Variants in NELL1 observed in about 807,000 individuals in gnomAD.
The protein encoded by NELL1 is neural EGFL like 1.
NELL1 carries 76 observed loss-of-function variants against 107.4 expected under a neutral mutation model. The ratio of observed to expected loss-of-function variants is 0.71; its 90% CI spans 0.59 to 0.86. NELL1 has a LOEUF of 0.86. Among genes scored for constraint, NELL1 ranks in the 40% least tolerant of loss-of-function variants. The pLI, the probability that NELL1 is intolerant of heterozygous loss-of-function variation, is 0.00. For missense variants in NELL1, 1,024 were observed against 1,005.5 expected, an observed-to-expected ratio of 1.02 and a Z score of -0.25; for synonymous variants, 353 against 341.2, an observed-to-expected ratio of 1.03 and a Z score of -0.38.
At chr11:20,872,511 G>A (rs1849221663) in intron 4 of NELL1, among the ~76,000 whole-genome samples, 1 of 152,058 alleles carries the variant, frequency 6.6e-6, no homozygotes, top group Non-Finnish European at 1.5e-5. Context: ...TTCGTGAGGG[G>A]CTTATGAATT....
At chr11:20,727,045 C>T (rs771653674) in intron 2 of NELL1, among the ~76,000 whole-genome samples, 32 of 152,082 alleles carry the variant, frequency 2.1e-4, no homozygotes, top group Non-Finnish European at 4.0e-4. Context: ...TGAATAGTGC[C>T]GCAATAAACC....
intron 14 of NELL1, among the ~76,000 whole-genome samples, chr11:21,366,075 C>T (rs745587654): frequency 2.0e-5 from 3 of 151,880 alleles, no homozygotes; most frequent in Admixed American, 6.6e-5. Context: ...GTTTGAGGGG[C>T]GTTTGATAAA....
intron 15 of NELL1, among the ~76,000 whole-genome samples, chr11:21,508,797 G>GA (rs79949030): frequency 0.17 from 25,388 of 148,506 alleles, 2,215 homozygotes; most frequent in East Asian, 0.28. Context: ...CTATGTTAAA[G>GA]AAAAAAAAAT....
intron 13 of NELL1, among the ~76,000 whole-genome samples, chr11:21,118,428 T>G (rs1188564996): frequency 2.6e-5 from 4 of 152,064 alleles, no homozygotes; most frequent in African/African-American, 9.7e-5. Context: ...ATAAGCTTGT[T>G]AGACCAAACG....
intron 4 of NELL1, among the ~76,000 whole-genome samples, chr11:20,875,966 C>T (rs746044066): frequency 2.0e-5 from 3 of 152,206 alleles, no homozygotes; most frequent in Non-Finnish European, 4.4e-5. Flanking sequence ...AGACCTCTCT[C>T]CTCTCTGTGA....
intron 12 of NELL1, among the ~76,000 whole-genome samples, chr11:21,077,314 G>A (rs971072257): frequency 6.6e-6 from 1 of 151,952 alleles, no homozygotes; most frequent in Admixed American, 6.6e-5. Context: ...CATTATGATA[G>A]GAAATAAAGA....
chr11:21,210,646 A>T (rs1246501509), intron 13 of NELL1, among the ~76,000 whole-genome samples: 3 of 152,168 alleles, frequency 2.0e-5, no homozygotes, highest in African/African-American at 7.2e-5. Flanking sequence ...AAGATACATG[A>T]TTTGCAAATG....
At chr11:21,322,915 C>A (rs956544481) in intron 14 of NELL1, among the ~76,000 whole-genome samples, 4 of 152,020 alleles carry the variant, frequency 2.6e-5, no homozygotes, top group African/African-American at 9.7e-5. Flanking sequence ...TGCCATTAGA[C>A]CCTCTGCTAT....
chr11:21,213,504 A>G (rs930688973), intron 13 of NELL1, among the ~76,000 whole-genome samples: 1 of 152,156 alleles, frequency 6.6e-6, no homozygotes, highest in Non-Finnish European at 1.5e-5. Context: ...ATTGAATTGA[A>G]TTGAATTGAA....
intron 12 of NELL1, among the ~76,000 whole-genome samples, chr11:21,018,727 A>G (rs986733574): frequency 3.9e-5 from 6 of 152,046 alleles, no homozygotes; most frequent in Non-Finnish European, 8.8e-5. Context: ...GCAAGAGAAG[A>G]TGTATATTTT....
intron 2 of NELL1, among the ~76,000 whole-genome samples, chr11:20,703,765 G>A (rs569933854): frequency 6.6e-6 from 1 of 151,656 alleles, no homozygotes; most frequent in African/African-American, 2.4e-5. Flanking sequence ...TTATGTACCC[G>A]AAAGTCATTC....
At chr11:20,903,116 C>T (rs1352490325) in intron 5 of NELL1, among the ~76,000 whole-genome samples, 1 of 151,906 alleles carries the variant, frequency 6.6e-6, no homozygotes, top group African/African-American at 2.4e-5. Context: ...TTTAAAATGG[C>T]ATACTTTTTC....
chr11:21,106,252 C>A (rs183272549), intron 12 of NELL1, among the ~76,000 whole-genome samples: 131 of 152,158 alleles, frequency 8.6e-4, no homozygotes, highest in Non-Finnish European at 1.6e-3. Context: ...CAGTCCAGGT[C>A]TGCTTCCTAG....
At chr11:20,983,880 G>A (rs1851798793) in intron 12 of NELL1, among the ~76,000 whole-genome samples, 4 of 152,126 alleles carry the variant, frequency 2.6e-5, no homozygotes, top group Admixed American at 2.6e-4. Context: ...ACAGACCACA[G>A]GAACCTTCAG....
chr11:21,521,509 C>T (rs547544893), intron 15 of NELL1, among the ~76,000 whole-genome samples: 1 of 138,686 alleles, frequency 7.2e-6, no homozygotes, highest in Admixed American at 7.1e-5. Context: ...TTGTTCATGT[C>T]TTCTATATTG....
chr11:20,797,741 A>G (rs1183089135), intron 3 of NELL1, among the ~76,000 whole-genome samples: 3 of 152,008 alleles, frequency 2.0e-5, no homozygotes, highest in African/African-American at 7.3e-5. Flanking sequence ...AGGAGGAGTC[A>G]AGGGTGATGC....
chr11:20,756,768 T>C (rs1171441172), intron 2 of NELL1, among the ~76,000 whole-genome samples: 2 of 151,976 alleles, frequency 1.3e-5, no homozygotes, highest in African/African-American at 4.8e-5. Context: ...GCAACCAAAA[T>C]ATTTCCAGAT....
chr11:21,452,437 G>A (rs534575424), intron 15 of NELL1, among the ~76,000 whole-genome samples: 4 of 152,182 alleles, frequency 2.6e-5, no homozygotes, highest in African/African-American at 9.6e-5. Flanking sequence ...CTTTCAAGGA[G>A]TTTGTTCACT....
intron 5 of NELL1, among the ~76,000 whole-genome samples, chr11:20,913,288 C>A (rs201961783): frequency 0.036 from 5,478 of 151,918 alleles, 169 homozygotes; most frequent in East Asian, 0.16. Flanking sequence ...TTTTAGCATA[C>A]AAAAAAATAG....
Sources: allele counts gnomAD v4.1 joint callset (sites outside exome capture counted in the v4.1 genomes callset), GRCh38; gene constraint gnomAD v4.1.1; transcripts MANE v1.5; gene names NCBI Gene and HGNC (gene_info 2026-07-23, HGNC 2026-07-21).